The following ZNF385D variants were observed in gnomAD, a reference collection of about 807,000 sequenced individuals.
The protein encoded by ZNF385D is zinc finger protein 385D.
Under a neutral mutation model 35.8 loss-of-function variants are expected in ZNF385D, and 15 were observed. That is an observed-to-expected ratio of 0.42 (90% CI 0.28 to 0.64). ZNF385D has a LOEUF of 0.64. Ranked by LOEUF, ZNF385D falls within the 30% of genes least tolerant of loss-of-function variation. The probability of loss-of-function intolerance (pLI) is 0.23; values close to 1 mark genes in which losing one functional copy is unlikely to be tolerated. For synonymous variants in ZNF385D, 212 were observed against 186.8 expected (o/e 1.13, Z -1.10); for missense variants, 474 against 494.6 (o/e 0.96, Z 0.39).
intron 2 of ZNF385D, among the ~76,000 whole-genome samples, chr3:22,202,526 T>G (rs9817475): frequency 0.032 from 4,925 of 152,134 alleles, 226 homozygotes; most frequent in African/African-American, 0.098. Context: ...CTGACTGTCC[T>G]CCTTGCAAAA....
chr3:22,131,174 A>G (rs1041404513), intron 3 of ZNF385D, among the ~76,000 whole-genome samples: 10 of 152,166 alleles, frequency 6.6e-5, no homozygotes, highest in Admixed American at 5.9e-4. Flanking sequence ...GCACTCCAAC[A>G]TTTAGAAGTC....
chr3:21,722,025 G>A (rs770359781), intron 1 of ZNF385D, among the ~76,000 whole-genome samples: 10 of 151,656 alleles, frequency 6.6e-5, no homozygotes, highest in East Asian at 3.9e-4. Flanking sequence ...ACTTGAACCC[G>A]GGAGGCGGAG....
chr3:22,157,976 G>A lies in ZNF385D; in HGVS notation c.325+10841C>T, dbSNP rs535048085. On this transcript the variant is annotated intron_variant, in intron 3 of 5. Transcript: ENST00000494108. Reference sequence around the variant, plus strand: ...TCCCTGGGAATAACTCTAATCTCACGTATTTTTAAATTAGTGAGTAAGCAA... The same window carrying A: ...TCCCTGGGAATAACTCTAATCTCACATATTTTTAAATTAGTGAGTAAGCAA... Among the ~76,000 whole-genome samples, 7 of 152,172 alleles carry A rather than the reference G, an allele frequency of 4.6e-5. No homozygotes were observed. In the South Asian group the frequency reaches 6.2e-4, roughly 14 times the overall value.
upstream of ZNF385D, among the ~76,000 whole-genome samples, chr3:21,755,815 A>G (rs910305188): frequency 3.9e-5 from 6 of 152,198 alleles, no homozygotes; most frequent in Non-Finnish European, 7.3e-5. Flanking sequence ...ATGAATGCCT[A>G]TCATGTGCCA....
intron 2 of ZNF385D, among the ~76,000 whole-genome samples, chr3:22,327,807 T>A (rs769196469): frequency 5.4e-4 from 83 of 152,340 alleles, no homozygotes; most frequent in Middle Eastern, 3.4e-3. Flanking sequence ...TTTGTCCCTG[T>A]GCTTTGTGAA....
intron 4 of ZNF385D, among the ~76,000 whole-genome samples, chr3:21,449,304 C>T (rs1702329723): frequency 1.3e-5 from 2 of 151,514 alleles, no homozygotes; most frequent in African/African-American, 2.4e-5. Flanking sequence ...GAAATCTAGT[C>T]CCATGTGACT....
chr3:22,311,895 T>C (rs926112954), intron 2 of ZNF385D, among the ~76,000 whole-genome samples: 2 of 152,150 alleles, frequency 1.3e-5, no homozygotes, highest in African/African-American at 4.8e-5. Flanking sequence ...TCAAGTGGCA[T>C]ACTTGCCTTT....
At chr3:21,914,621 G>A (rs1639348528) in intron 3 of ZNF385D, among the ~76,000 whole-genome samples, 2 of 151,934 alleles carry the variant, frequency 1.3e-5, no homozygotes, top group African/African-American at 2.4e-5. Context: ...ATGATGAAAG[G>A]CATCTATTTA....
In ZNF385D at chr3:21,945,145, C is replaced by CGTACATGTAT. The variant is rs1491139694; in HGVS notation, c.325+223671_325+223672insATACATGTAC. The stretch of plus-strand genomic sequence containing the variant: ...ACGTGTGTGTATATATATGTATATG[C>CGTACATGTAT]ATATATATATACACACACATATATA... On this transcript the variant is annotated intron_variant, in intron 3 of 5. Transcript: ENST00000494108. Among the ~76,000 whole-genome samples, 92 of 151,244 alleles carry CGTACATGTAT rather than the reference C, an allele frequency of 6.1e-4. 2 individuals are homozygous for CGTACATGTAT. The highest frequency in any genetic ancestry group is 3.4e-3 in the Admixed American group (52 of 15,098).
At chr3:21,939,699 T>C (rs534728423) in intron 3 of ZNF385D, among the ~76,000 whole-genome samples, 1 of 152,308 alleles carries the variant, frequency 6.6e-6, no homozygotes, top group East Asian at 1.9e-4. Context: ...TGTGATGAGT[T>C]CAATAACTGA....
At chr3:21,477,625 C>A (rs530228856) in intron 4 of ZNF385D, among the ~76,000 whole-genome samples, 1 of 152,236 alleles carries the variant, frequency 6.6e-6, no homozygotes, top group South Asian at 2.1e-4. Flanking sequence ...TGTCTACCCA[C>A]ACTTGCTGGT....
At chr3:21,550,947 G>T (rs1211209814) in intron 3 of ZNF385D, among the ~76,000 whole-genome samples, 1 of 152,188 alleles carries the variant, frequency 6.6e-6, no homozygotes, top group East Asian at 1.9e-4. Flanking sequence ...ATGCTTGACA[G>T]TCCTGAATCA....
intron 3 of ZNF385D, among the ~76,000 whole-genome samples, chr3:22,108,427 GTATGAAATGCAAC>G: frequency 6.6e-6 from 1 of 152,136 alleles, no homozygotes; most frequent in African/African-American, 2.4e-5. Flanking sequence ...AGAAGTAAGG[GTATGAAATGCAAC>G]TATAGCTTCC....
chr3:21,724,475 G>GCC (rs1286919809), intron 1 of ZNF385D, among the ~76,000 whole-genome samples: 1 of 20,278 alleles, frequency 4.9e-5, no homozygotes, highest in Non-Finnish European at 8.7e-5. Flanking sequence ...CAAATGGAAA[G>GCC]CCAAAAAAAA....
intron 2 of ZNF385D, among the ~76,000 whole-genome samples, chr3:22,279,175 G>A (rs571491222): frequency 3.3e-5 from 5 of 152,020 alleles, no homozygotes; most frequent in African/African-American, 1.2e-4. Flanking sequence ...AAGTTATTTA[G>A]TGGCCAATTC....
At chr3:21,945,870 T>C (rs941913975) in intron 3 of ZNF385D, among the ~76,000 whole-genome samples, 1 of 152,222 alleles carries the variant, frequency 6.6e-6, no homozygotes, top group Non-Finnish European at 1.5e-5. Context: ...TTATGCTTCA[T>C]TTCCTCTTTG....
At chr3:22,132,920 T>A (rs1703885595) in intron 3 of ZNF385D, among the ~76,000 whole-genome samples, 1 of 152,126 alleles carries the variant, frequency 6.6e-6, no homozygotes, top group African/African-American at 2.4e-5. Context: ...TTCGGTTAAC[T>A]TATGAAAATG....
chr3:21,715,198 T>G (rs1171104030), intron 1 of ZNF385D, among the ~76,000 whole-genome samples: 1 of 152,174 alleles, frequency 6.6e-6, no homozygotes, highest in Non-Finnish European at 1.5e-5. Flanking sequence ...ACCTGAATAA[T>G]GTACAGTGTA....
rs148079775 is a variant in ZNF385D, at chr3:21,556,068, G to GTTTTTTTTTTTTTTTTTTTTTTTTTTT, written c.276+8505_276+8506insAAAAAAAAAAAAAAAAAAAAAAAAAAA. Among the ~76,000 whole-genome samples the GTTTTTTTTTTTTTTTTTTTTTTTTTTT allele has an allele frequency of 1.9e-4, 19 of 99,044 alleles. 1 individual carries two copies. Among genetic ancestry groups the GTTTTTTTTTTTTTTTTTTTTTTTTTTT allele is most frequent in the South Asian group, 3.6e-4 (1 of 2,800 alleles). 65.0% of individuals were successfully genotyped at this position (99,044 alleles called of 152,430 possible). ...ACTTTTTGACGTTTTTTTTGTTTTT[G>GTTTTTTTTTTTTTTTTTTTTTTTTTTT]TTTTTTTTTTTTTTTTTTTGTAAAT... On this transcript the variant is annotated intron_variant, in intron 3 of 7. Transcript: ENST00000281523.
Sources: gnomAD v4.1 joint callset for allele counts (sites outside exome capture counted in the v4.1 genomes callset) on GRCh38, gnomAD v4.1.1 for gene constraint, MANE v1.5 for transcripts, NCBI Gene and HGNC (gene_info 2026-07-23, HGNC 2026-07-21) for gene names.